Variants in SERPINB7 observed in about 807,000 individuals in gnomAD.
SERPINB7 encodes the protein serpin B7.
In SERPINB7, 31 loss-of-function variants were observed where a neutral mutation model predicts 37.4. The ratio of observed to expected loss-of-function variants is 0.83; its 90% CI spans 0.62 to 1.12. SERPINB7 has a LOEUF of 1.12. SERPINB7 is among the 50% of genes most tolerant of loss of function. The pLI is 0.00. For missense variants in SERPINB7, 521 were observed against 455.3 expected (o/e 1.14, Z -1.31); for synonymous variants, 163 against 166.1 (o/e 0.98, Z 0.14).
intron 1 of SERPINB7, chr18:63,777,994 A>G (rs1285141062): frequency 6.6e-6 from 1 of 152,048 alleles, no homozygotes; most frequent in Non-Finnish European, 1.5e-5. Context: ...TCATCACACA[A>G]CATCCAGATC....
Position 63,792,389 on chromosome 18 carries a change from A to T in SERPINB7, c.169-4A>T. On this transcript the variant is annotated splice_region_variant and splice_polypyrimidine_tract_variant and intron_variant, in intron 2 of 7. Transcript: ENST00000398019. ...TGATTGCTTTCCTTGTGCCCTGTTT[A>T]CAGTTGCTTCATGTTAACACTGCCT... The T allele has an allele frequency of 6.3e-7, 1 of 1,595,046 alleles. No individual in the cohort carries two copies. The highest frequency in any genetic ancestry group is 8.6e-7 in the Non-Finnish European group (1 of 1,162,722).
In SERPINB7 at chr18:63,805,141, T is replaced by C. The variant is rs1396151306; in HGVS notation, c.*506T>C. 7 of 152,978 alleles carry C rather than the reference T, an allele frequency of 4.6e-5. No individual in the cohort carries two copies. The highest frequency in any genetic ancestry group is 1.0e-4 in the Non-Finnish European group (7 of 68,634). 9.5% of individuals were successfully genotyped at this position (152,978 alleles called of 1,614,324 possible). On this transcript the variant is annotated 3_prime_UTR_variant, in exon 8 of 8. Transcript: ENST00000398019. ...TGTTTGATTTTAAATCAGTGTATAA[T>C]CTAGATGGTAAAAAATGTGAAATTG... is the stretch of plus-strand genomic sequence containing the variant.
At chr18:63,791,976 T>C (rs2144630184) in intron 2 of SERPINB7, among the ~76,000 whole-genome samples, 1 of 152,330 alleles carries the variant, frequency 6.6e-6, no homozygotes, top group African/African-American at 2.4e-5. Flanking sequence ...ACTGACTATA[T>C]TGAAAACTGT....
upstream of SERPINB7, among the ~76,000 whole-genome samples, chr18:63,772,590 A>C (rs1394238957): frequency 4.6e-5 from 7 of 152,090 alleles, no homozygotes; most frequent in African/African-American, 1.7e-4. Context: ...CAATTACTGC[A>C]TTTCTTTGGG....
At chr18:63,762,479 G>T (rs1227296900) in intron 1 of SERPINB7, among the ~76,000 whole-genome samples, 1 of 152,136 alleles carries the variant, frequency 6.6e-6, no homozygotes, top group Non-Finnish European at 1.5e-5. Context: ...CATATCAGGT[G>T]CTTGAAGACA....
Position 63,782,491 on chromosome 18 carries a change from C to T in SERPINB7, c.119C>T (p.Ala40Val), listed in dbSNP as rs1438237833. The change falls in exon 2 of 8, where the codon GCC becomes GTC. Residue 40 changes from alanine (A) to valine (V), a missense_variant. Physicochemically the swap from Ala to Val is moderately conservative, Grantham distance 64. Coordinates refer to ENST00000398019, the MANE Select transcript of SERPINB7 (RefSeq NM_003784.4). The part of the protein sequence containing the change: ...FSSLSLFAAL[A>V]LVRLGAQDDS... ...TCTCTGAGCCTCTTCGCTGCCCTGG[C>T]CCTGGTCCGCTTGGGCGCTCAAGAT... The T allele has an allele frequency of 2.0e-5, 32 of 1,614,036 alleles. No homozygotes were observed. Among genetic ancestry groups the T allele is most frequent in the Non-Finnish European group, 2.6e-5 (31 of 1,179,924 alleles).
chr18:63,763,954 C>A (rs139852791), intron 1 of SERPINB7, among the ~76,000 whole-genome samples: 45 of 152,260 alleles, frequency 3.0e-4, no homozygotes, highest in African/African-American at 8.9e-4. Context: ...CAAGTTCGAC[C>A]TGTGTTACTA....
intron 4 of SERPINB7, among the ~76,000 whole-genome samples, chr18:63,795,236 G>GA (rs2049474204): frequency 6.6e-6 from 1 of 152,152 alleles, no homozygotes; most frequent in Non-Finnish European, 1.5e-5. Context: ...CAGCTGTTAA[G>GA]AAAAGAAATC....
chr18:63,782,864 C>T (rs1049522041), intron 2 of SERPINB7, among the ~76,000 whole-genome samples: 1 of 152,018 alleles, frequency 6.6e-6, no homozygotes, highest in African/African-American at 2.4e-5. Context: ...GCTGGCCGGG[C>T]GCGGTGGCTC....
intron 4 of SERPINB7, among the ~76,000 whole-genome samples, chr18:63,795,970 T>G (rs115472598): frequency 1.2e-3 from 184 of 152,318 alleles, no homozygotes; most frequent in African/African-American, 4.2e-3. Context: ...ATTGAGTTAT[T>G]TAATATGAGA....
At chr18:63,777,203 A>T (rs1250177345) in intron 1 of SERPINB7, among the ~76,000 whole-genome samples, 2 of 151,948 alleles carry the variant, frequency 1.3e-5, no homozygotes, top group Non-Finnish European at 2.9e-5. Flanking sequence ...CAACACACAC[A>T]TATATATATG....
intron 5 of SERPINB7, 145 bp downstream of exon 5, chr18:63,796,528 G>C: frequency 3.7e-6 from 2 of 539,164 alleles, no homozygotes; most frequent in Non-Finnish European, 6.7e-6. Context: ...AATTGCTTTA[G>C]TATTTGTCTG....
intron 1 of SERPINB7, among the ~76,000 whole-genome samples, chr18:63,764,352 T>G: frequency 6.6e-6 from 1 of 152,224 alleles, no homozygotes; most frequent in East Asian, 1.9e-4. Context: ...TAATTCATAT[T>G]CAAATAAACA....
At chr18:63,793,882 A>G (rs1164399584) in intron 4 of SERPINB7, among the ~76,000 whole-genome samples, 3 of 152,058 alleles carry the variant, frequency 2.0e-5, no homozygotes, top group Non-Finnish European at 4.4e-5. Context: ...TCAACATGAC[A>G]TACTAGTTGG....
intron 1 of SERPINB7, among the ~76,000 whole-genome samples, chr18:63,768,076 C>T (rs900665631): frequency 8.6e-5 from 13 of 151,892 alleles, no homozygotes; most frequent in Non-Finnish European, 1.8e-4. Context: ...GTGACAGTCT[C>T]GTTAGGGGTT....
chr18:63,800,067 T>TG (rs1221518929), intron 6 of SERPINB7, among the ~76,000 whole-genome samples: 2 of 152,026 alleles, frequency 1.3e-5, no homozygotes, highest in African/African-American at 4.8e-5. Flanking sequence ...GTATTTTTTT[T>TG]TTTTTTGAGA....
At chr18:63,768,535 CT>C (rs2049193126) in intron 1 of SERPINB7, among the ~76,000 whole-genome samples, 1 of 152,056 alleles carries the variant, frequency 6.6e-6, no homozygotes, top group African/African-American at 2.4e-5. Flanking sequence ...AGGTTCATGC[CT>C]TTTCCCTTTC....
intron 2 of SERPINB7, among the ~76,000 whole-genome samples, chr18:63,783,208 GAGAGAGAGAGAGAGAGAGAGAGAGAGAA>G (rs201166981): frequency 4.0e-3 from 350 of 88,190 alleles, no homozygotes; most frequent in Middle Eastern, 0.015. Context: ...GAGAGAGAGA[GAGAGAGAGAGAGAGAGAGAGAGAGAGAA>G]AGAAAGAAAG....
At chr18:63,783,238 GAAAGAAAGAA>G (rs2049329089) in intron 2 of SERPINB7, among the ~76,000 whole-genome samples, 4 of 83,332 alleles carry the variant, frequency 4.8e-5, no homozygotes, top group Non-Finnish European at 8.2e-5. Context: ...GAGAGAGAAA[GAAAGAAAGAA>G]AGAAAGAAAG....
Sources: allele counts gnomAD v4.1 joint callset (sites outside exome capture counted in the v4.1 genomes callset), GRCh38; gene constraint gnomAD v4.1.1; transcripts MANE v1.5; gene names NCBI Gene and HGNC (gene_info 2026-07-23, HGNC 2026-07-21).